SHB: variants seen among roughly 807,000 people sequenced by gnomAD.
The protein encoded by SHB is SH2 domain containing adaptor protein B.
Under a neutral mutation model 52.3 loss-of-function variants are expected in SHB, and 20 were observed. That is an observed-to-expected ratio of 0.38 (90% CI 0.27 to 0.56). SHB has a LOEUF of 0.56. SHB is among the 20% of genes least tolerant of loss of function. The pLI is 0.71. For synonymous variants in SHB, 397 were observed against 316.5 expected (o/e 1.25, Z -2.70); for missense variants, 825 against 723.3 (o/e 1.14, Z -1.61).
chr9:38,002,955 C>T (rs1425351722), intron 2 of SHB, among the ~76,000 whole-genome samples: 2 of 152,160 alleles, frequency 1.3e-5, no homozygotes, highest in Non-Finnish European at 2.9e-5. Context: ...CAGCCAGAAA[C>T]TTTTTATTAG....
chr9:38,026,492 T>C (rs1315743026), intron 1 of SHB, among the ~76,000 whole-genome samples: 1 of 152,242 alleles, frequency 6.6e-6, no homozygotes, highest in Non-Finnish European at 1.5e-5. Flanking sequence ...CAGGCCCCTT[T>C]AAGGCACAAG....
chr9:37,921,376 G>C (rs1048773208), intron 5 of SHB, among the ~76,000 whole-genome samples: 3 of 152,180 alleles, frequency 2.0e-5, no homozygotes, highest in Non-Finnish European at 2.9e-5. Flanking sequence ...AGTCAGGACT[G>C]GGCTTCCCAA....
Position 38,057,153 on chromosome 9 carries a change from T to A in SHB, c.717+10776A>T, listed in dbSNP as rs192040116. On this transcript the variant is annotated intron_variant, in intron 1 of 5. Coordinates refer to ENST00000377707, the MANE Select transcript of SHB (RefSeq NM_003028.3). ...GATGTTCATTACGGCACTGTTAAAT[T>A]GGTGAAAACGAGGAAAAGCCCAACA... is the stretch of plus-strand genomic sequence containing the variant. Among the ~76,000 whole-genome samples, 331 of 152,326 alleles carry A rather than the reference T, an allele frequency of 2.2e-3. 1 individual carries two copies. The highest frequency in any genetic ancestry group is 7.7e-3 in the African/African-American group (319 of 41,570).
rs776094625 is a variant in SHB at position 38,068,327 on chromosome 9, G to T, written c.319C>A (p.Arg107Ser). The T allele has an allele frequency of 5.9e-6, 9 of 1,536,308 alleles. No homozygotes were observed. In the Admixed American group the frequency reaches 9.9e-5, roughly 17 times the overall value. The change falls in exon 1 of 6, where the codon CGC (arginine) becomes AGC (serine). Residue 107 changes from arginine (R) to serine (S), a missense_variant. Coordinates refer to ENST00000377707, the MANE Select transcript of SHB (RefSeq NM_003028.3). ...CAGTAGTCCAGGCGGCACATGGCGC[G>T]CAGTTTGCGCAGCGACGAGCCAGGC... ...NGPGSSLRKL[R>S]AMCRLDYCGG...
In SHB at chr9:38,000,203, A is replaced by G. The variant is rs56795928; in HGVS notation, c.838+15808T>C. ...CGAGAATTGCTGCTGCTGGCAGACC[A>G]GGCCAGGCCAGACCACAGCTTGAAC... is the stretch of plus-strand genomic sequence containing the variant. On this transcript the variant is annotated intron_variant, in intron 2 of 5. Coordinates refer to ENST00000377707, the MANE Select transcript of SHB (RefSeq NM_003028.3). Among the ~76,000 whole-genome samples the G allele has an allele frequency of 4.5e-3, 683 of 152,368 alleles. 4 individuals carry two copies. The highest frequency in any genetic ancestry group is 0.015 in the African/African-American group (641 of 41,584).
intron 5 of SHB, among the ~76,000 whole-genome samples, chr9:37,938,319 T>G (rs561779623): frequency 2.1e-4 from 32 of 152,330 alleles, no homozygotes; most frequent in African/African-American, 7.2e-4. Flanking sequence ...TTCCTCTCCA[T>G]GCAGCCACCC....
chr9:38,068,114 A>G lies in SHB; in HGVS notation c.532T>C (p.Tyr178His). 2 of 1,469,470 alleles carry G rather than the reference A, an allele frequency of 1.4e-6. No individual in the cohort carries two copies. The highest frequency in any genetic ancestry group is 1.5e-5 in the African/African-American group (1 of 67,934). 91.0% of individuals were successfully genotyped at this position (1,469,470 alleles called of 1,614,324 possible). A position where few individuals can be genotyped will look rare whatever the true frequency, so the allele number is the denominator to read the frequency against. Reference protein sequence around the residue: ...RRPATPAEVRYISPKHRLIKV... With the variant: ...RRPATPAEVRHISPKHRLIKV... ...ATGAGGCGGTGCTTGGGGGAGATGT[A>G]GCGCACCTCGGCCGGCGTGGCGGGC... Residue 178 changes from tyrosine to histidine, a missense_variant, in exon 1 of 6, where the codon TAC (tyrosine) becomes CAC (histidine). Transcript: ENST00000377707.
At chr9:38,061,782 G>A (rs193205009) in intron 1 of SHB, among the ~76,000 whole-genome samples, 6 of 152,258 alleles carry the variant, frequency 3.9e-5, no homozygotes, top group South Asian at 2.1e-4. Context: ...CCAATGTACC[G>A]CCAGTCTCTT....
chr9:37,934,969 G>A (rs1832352332), intron 5 of SHB, among the ~76,000 whole-genome samples: 1 of 152,154 alleles, frequency 6.6e-6, no homozygotes, highest in Non-Finnish European at 1.5e-5. Flanking sequence ...GGAACTGATT[G>A]CTTCCTGAAA....
intron 1 of SHB, among the ~76,000 whole-genome samples, chr9:38,056,136 C>A (rs1225941844): frequency 6.6e-6 from 1 of 152,052 alleles, no homozygotes; most frequent in African/African-American, 2.4e-5. Context: ...AAGATGGAGT[C>A]AAAATATTTA....
At chr9:37,933,533 G>A (rs1832336915) in intron 5 of SHB, among the ~76,000 whole-genome samples, 1 of 152,164 alleles carries the variant, frequency 6.6e-6, no homozygotes, top group Non-Finnish European at 1.5e-5. Context: ...GTCCTAGAAT[G>A]TCCACCAGTA....
chr9:37,935,384 T>G (rs1832357321), intron 5 of SHB, among the ~76,000 whole-genome samples: 1 of 152,106 alleles, frequency 6.6e-6, no homozygotes, highest in Non-Finnish European at 1.5e-5. Flanking sequence ...GGCATACGCC[T>G]TTAGTGCCAG....
At chr9:37,946,528 T>A (rs1039834185) in intron 5 of SHB, among the ~76,000 whole-genome samples, 1 of 152,194 alleles carries the variant, frequency 6.6e-6, no homozygotes, top group African/African-American at 2.4e-5. Flanking sequence ...CTCAATAGGC[T>A]GCTGTTCCCT....
chr9:37,923,664 G>A (rs928600378), intron 5 of SHB, among the ~76,000 whole-genome samples: 5 of 152,232 alleles, frequency 3.3e-5, no homozygotes, highest in Admixed American at 6.5e-5. Context: ...AAAAGGAGAC[G>A]CGAGCATGAG....
chr9:38,004,457 C>T (rs1587239603), intron 2 of SHB, among the ~76,000 whole-genome samples: 1 of 152,292 alleles, frequency 6.6e-6, no homozygotes, highest in East Asian at 1.9e-4. Context: ...CCCCAGCCCA[C>T]CCTCCCAGGG....
intron 1 of SHB, among the ~76,000 whole-genome samples, chr9:38,053,784 A>G (rs564631379): frequency 1.3e-5 from 2 of 152,316 alleles, no homozygotes; most frequent in African/African-American, 4.8e-5. Flanking sequence ...CAAGACACAC[A>G]GGCCAAAATA....
chr9:37,978,244 T>G (rs1820677163), intron 2 of SHB, among the ~76,000 whole-genome samples: 1 of 152,232 alleles, frequency 6.6e-6, no homozygotes, highest in African/African-American at 2.4e-5. Flanking sequence ...ATCAGAGGAC[T>G]TGTGCATACA....
chr9:38,000,786 G>C (rs1473563747), intron 2 of SHB, among the ~76,000 whole-genome samples: 1 of 152,232 alleles, frequency 6.6e-6, no homozygotes, highest in Non-Finnish European at 1.5e-5. Flanking sequence ...AGCCAGTTGG[G>C]GTTGAGGGAT....
intron 3 of SHB, among the ~76,000 whole-genome samples, chr9:37,959,691 A>G (rs574452561): frequency 6.6e-6 from 1 of 152,268 alleles, no homozygotes; most frequent in Admixed American, 6.5e-5. Flanking sequence ...AAGGCTCTCT[A>G]GGACCCGGCT....
Sources: allele counts gnomAD v4.1 joint callset (sites outside exome capture counted in the v4.1 genomes callset), GRCh38; gene constraint gnomAD v4.1.1; transcripts MANE v1.5; gene names NCBI Gene and HGNC (gene_info 2026-07-23, HGNC 2026-07-21).